The following TECRL variants were observed in gnomAD, a reference collection of about 807,000 sequenced individuals.
TECRL encodes the protein trans-2,3-enoyl-CoA reductase-like.
TECRL carries 63 observed loss-of-function variants against 52.8 expected under a neutral mutation model. The observed-to-expected ratio is 1.19, with a 90% CI of 0.97 to 1.47. TECRL has a LOEUF of 1.47. TECRL is among the 40% of genes most tolerant of loss of function. The pLI, the probability that TECRL is intolerant of heterozygous loss-of-function variation, is 0.00. For missense variants in TECRL, 482 were observed against 429.6 expected, an observed-to-expected ratio of 1.12 and a Z score of -1.08; for synonymous variants, 164 against 141.9, an observed-to-expected ratio of 1.16 and a Z score of -1.10.
At chr4:64,317,055 G>A (rs1039090278) in intron 4 of TECRL, among the ~76,000 whole-genome samples, 1 of 152,088 alleles carries the variant, frequency 6.6e-6, no homozygotes, top group Non-Finnish European at 1.5e-5. Flanking sequence ...GAGGCGGGCG[G>A]ATGACAAGGT....
At chr4:64,348,673 A>C (rs1315563222) in intron 2 of TECRL, among the ~76,000 whole-genome samples, 1 of 152,042 alleles carries the variant, frequency 6.6e-6, no homozygotes, top group Non-Finnish European at 1.5e-5. Context: ...GTTCTAGCAT[A>C]TTTCTTACTG....
Position 64,322,376 on chromosome 4 carries a change from G to T in TECRL, c.435+313C>A, listed in dbSNP as rs73821107. Among the ~76,000 whole-genome samples the T allele has an allele frequency of 8.9e-3, 1,343 of 150,162 alleles. 16 individuals carry two copies. Among genetic ancestry groups the T allele is most frequent in the African/African-American group, 0.03 (1,227 of 40,734 alleles). On this transcript the variant is annotated intron_variant, in intron 4 of 11. Transcript: ENST00000381210. ...CACCATCATTGGCTTTCTGTGCAGTGAGCAGCAGGACCTAGACCGAACCTC... is the reference window on the plus strand; with the variant it reads ...CACCATCATTGGCTTTCTGTGCAGTTAGCAGCAGGACCTAGACCGAACCTC...
chr4:64,338,544 G>A (rs1017415505), intron 2 of TECRL, among the ~76,000 whole-genome samples: 1 of 152,002 alleles, frequency 6.6e-6, no homozygotes, highest in African/African-American at 2.4e-5. Context: ...CTGACAAAGG[G>A]CTTATATCCA....
At chr4:64,277,182 G>A (rs187095574), downstream of TECRL, 306 of 558,786 alleles carry the variant, frequency 5.5e-4, 7 homozygotes, top group East Asian at 8.0e-3. Context: ...ACTGGCATAA[G>A]GGAGTGTAGT....
intron 2 of TECRL, among the ~76,000 whole-genome samples, chr4:64,330,186 G>A (rs890515346): frequency 7.2e-5 from 11 of 152,050 alleles, no homozygotes; most frequent in African/African-American, 2.7e-4. Flanking sequence ...AACAATGTTA[G>A]AAGAACCGTG....
At chr4:64,287,584 T>C (rs565039074) in intron 9 of TECRL, among the ~76,000 whole-genome samples, 2 of 152,234 alleles carry the variant, frequency 1.3e-5, no homozygotes, top group East Asian at 3.9e-4. Flanking sequence ...ACCAAAAATA[T>C]CTTTAAATAA....
chr4:64,285,338 A>G (rs1723028254), intron 9 of TECRL, among the ~76,000 whole-genome samples: 1 of 152,106 alleles, frequency 6.6e-6, no homozygotes, highest in African/African-American at 2.4e-5. Flanking sequence ...TGACTACATC[A>G]CAGCTCAACT....
chr4:64,304,730 T>G (rs1724227246), intron 7 of TECRL, among the ~76,000 whole-genome samples: 1 of 152,104 alleles, frequency 6.6e-6, no homozygotes. Context: ...AGCCATGATA[T>G]TTTAGTAAAT....
chr4:64,358,417 C>A (rs1488708060), intron 2 of TECRL, among the ~76,000 whole-genome samples: 2 of 151,472 alleles, frequency 1.3e-5, no homozygotes, highest in Non-Finnish European at 3.0e-5. Context: ...GCACATCAAG[C>A]AAAAGTATAT....
At chr4:64,338,816 C>T (rs1193841172) in intron 2 of TECRL, among the ~76,000 whole-genome samples, 1 of 152,156 alleles carries the variant, frequency 6.6e-6, no homozygotes, top group Admixed American at 6.5e-5. Context: ...GTAATAGGAA[C>T]ACTTTTACAC....
intron 7 of TECRL, among the ~76,000 whole-genome samples, chr4:64,302,362 G>A (rs1280340559): frequency 6.6e-6 from 1 of 151,246 alleles, no homozygotes; most frequent in East Asian, 1.9e-4. Context: ...ATTCTGAAAG[G>A]AGTGGGAAAA....
intron 2 of TECRL, among the ~76,000 whole-genome samples, chr4:64,348,531 C>T (rs1004283704): frequency 6.6e-5 from 10 of 152,298 alleles, no homozygotes; most frequent in East Asian, 1.9e-4. Flanking sequence ...GATCCTACCT[C>T]GGTTCCACAT....
At position 64,278,977 on chromosome 4, in the gene TECRL, T is replaced by C. The variant is rs1304185517; in HGVS notation, c.*1095A>G. On this transcript the variant is annotated 3_prime_UTR_variant, in exon 12 of 12. Transcript: ENST00000381210. Reference sequence around the variant, plus strand: ...GCTGCATAGTATTCTATTGTGTATATATACCACATTTTCTTTATCCATTCA... The same window carrying C: ...GCTGCATAGTATTCTATTGTGTATACATACCACATTTTCTTTATCCATTCA... The C allele has an allele frequency of 6.6e-6, 1 of 152,416 alleles. No individual in the cohort carries two copies. Among genetic ancestry groups the C allele is most frequent in the Non-Finnish European group, 1.5e-5 (1 of 68,222 alleles). 9.4% of individuals were successfully genotyped at this position (152,416 alleles called of 1,614,324 possible).
At chr4:64,362,763 C>A (rs1168462194) in intron 2 of TECRL, among the ~76,000 whole-genome samples, 1 of 152,032 alleles carries the variant, frequency 6.6e-6, no homozygotes, top group East Asian at 1.9e-4. Flanking sequence ...GTACATAGTA[C>A]ATTGACTCTA....
chr4:64,302,094 A>G (rs1400234566), intron 7 of TECRL, among the ~76,000 whole-genome samples: 1 of 151,324 alleles, frequency 6.6e-6, no homozygotes, highest in African/African-American at 2.4e-5. Context: ...TGGGTATATT[A>G]AAATGTTCCT....
intron 2 of TECRL, among the ~76,000 whole-genome samples, chr4:64,339,806 T>C (rs1268024763): frequency 6.6e-6 from 1 of 152,006 alleles, no homozygotes; most frequent in Admixed American, 6.6e-5. Context: ...TTATTTACAC[T>C]AATAATTCTC....
At chr4:64,338,514 A>C (rs1437196835) in intron 2 of TECRL, among the ~76,000 whole-genome samples, 1 of 152,180 alleles carries the variant, frequency 6.6e-6, no homozygotes, top group Non-Finnish European at 1.5e-5. Context: ...AATGGGAGAA[A>C]ATTTTTGCAA....
At chr4:64,364,824 C>A (rs1178685031) in intron 2 of TECRL, among the ~76,000 whole-genome samples, 1 of 151,110 alleles carries the variant, frequency 6.6e-6, no homozygotes, top group Non-Finnish European at 1.5e-5. Flanking sequence ...CTCTACCAGA[C>A]TTTCAAAACG....
rs1717996398 is a variant in TECRL, at chr4:64,322,783, A to C, written c.341T>G (p.Phe114Cys). The change falls in exon 4 of 12, where the codon TTT becomes TGT. Residue 114 changes from phenylalanine (F) to cysteine (C), a missense_variant. Phe to Cys is a radical substitution (Grantham distance 205). Transcript: ENST00000381210. ...TTGAATGGTAATGTAGTCCTTCAAA[A>C]AAGGCCCGCCTAAAATAAAAATAAC... ...VGLQLECGGPFLKDYITIQSI... is the reference protein window; with the variant it reads ...VGLQLECGGPCLKDYITIQSI... The C allele has an allele frequency of 3.1e-6, 5 of 1,601,622 alleles. No homozygotes were observed. The highest frequency in any genetic ancestry group is 4.3e-6 in the Non-Finnish European group (5 of 1,175,054).
Sources: gnomAD v4.1 joint callset for allele counts (sites outside exome capture counted in the v4.1 genomes callset) on GRCh38, gnomAD v4.1.1 for gene constraint, MANE v1.5 for transcripts, NCBI Gene and HGNC (gene_info 2026-07-23, HGNC 2026-07-21) for gene names.